Variants in BUB1B observed in about 807,000 individuals in gnomAD.
BUB1B encodes the protein BUB1 mitotic checkpoint serine/threonine kinase B.
A neutral mutation model predicts 137.7 loss-of-function variants in BUB1B; 86 were observed. The observed-to-expected ratio is 0.62, with a 90% CI of 0.52 to 0.75. The LOEUF (loss-of-function observed/expected upper bound fraction) is 0.75, where lower values mean the gene tolerates loss of function less well. Ranked by LOEUF, BUB1B falls within the 30% of genes least tolerant of loss-of-function variation. BUB1B has a pLI of 0.00. For missense variants in BUB1B, 1,130 were observed against 1,236.9 expected, an observed-to-expected ratio of 0.91 and a Z score of 1.30; for synonymous variants, 420 against 417.9, an observed-to-expected ratio of 1.00 and a Z score of -0.06.
At position 40,172,071 on chromosome 15, in the gene BUB1B, TAAGAAATAAATTTCTTACTAAAATA is replaced by T. The variant is rs1490562319; in HGVS notation, c.384+1419_384+1443del. 4.2e-3 allele frequency among the ~76,000 whole-genome samples: 636 copies of T among 151,654 alleles called. 4 individuals carry two copies. The highest frequency in any genetic ancestry group is 0.013 in the African/African-American group (528 of 41,400). On this transcript the variant is annotated intron_variant, in intron 4 of 22. Coordinates refer to ENST00000287598, the MANE Select transcript of BUB1B (RefSeq NM_001211.6). ...GATAAGATTTCTTAATAAAATAAAG[TAAGAAATAAATTTCTTACTAAAATA>T]AAGAAATAAATTTCTTACTAAAATA...
intron 5 of BUB1B, among the ~76,000 whole-genome samples, chr15:40,179,135 T>C (rs1257593020): frequency 6.6e-6 from 1 of 152,142 alleles, no homozygotes; most frequent in Non-Finnish European, 1.5e-5. Context: ...TGGCTTCTTT[T>C]ACTTAGCATA....
chr15:40,206,186 T>C lies in BUB1B; in HGVS notation c.1737T>C (p.Asp579=). 1 of 1,614,158 alleles carries C rather than the reference T, an allele frequency of 6.2e-7. No individual in the cohort carries two copies. The highest frequency in any genetic ancestry group is 8.5e-7 in the Non-Finnish European group (1 of 1,180,016). The change falls in exon 15 of 23, where the codon GAT becomes GAC. Residue 579 remains aspartate, a splice_region_variant and synonymous_variant. Transcript: ENST00000287598. ...ACTTTATATGGTCTTTATTTCAGGA[T>C]GAATTTACAGGAATTGAACCCTTGA... ...SNEDVSPDVC[D]EFTGIEPLSE... is the part of the protein sequence containing the mutation.
intron 22 of BUB1B, among the ~76,000 whole-genome samples, chr15:40,218,814 G>A (rs2037841179): frequency 6.6e-6 from 1 of 152,214 alleles, no homozygotes; most frequent in South Asian, 2.1e-4. Flanking sequence ...CCAGACTACA[G>A]CTATAGTATG....
In BUB1B at chr15:40,210,098, C is replaced by A; in HGVS notation, c.2285-12C>A. The A allele has an allele frequency of 6.3e-7, 1 of 1,583,632 alleles. No homozygotes were observed. Among genetic ancestry groups the A allele is most frequent in the Non-Finnish European group, 8.7e-7 (1 of 1,152,704 alleles). On this transcript the variant is annotated splice_polypyrimidine_tract_variant and intron_variant, in intron 17 of 22. Coordinates refer to ENST00000287598, the MANE Select transcript of BUB1B (RefSeq NM_001211.6). ...ACAGTGATTTTTAAATGGAATCAAACTTTCTCAACAGGTAATGAGGATTAC... is the reference window on the plus strand; with the variant it reads ...ACAGTGATTTTTAAATGGAATCAAAATTTCTCAACAGGTAATGAGGATTAC...
At chr15:40,169,837 T>C (rs962226103) in intron 2 of BUB1B, among the ~76,000 whole-genome samples, 4 of 152,092 alleles carry the variant, frequency 2.6e-5, no homozygotes, top group Non-Finnish European at 4.4e-5. Flanking sequence ...GGTCTCAAAC[T>C]TCTAACCTCA....
intron 11 of BUB1B, 26 bp from the exon 12 acceptor site, chr15:40,200,905 A>G (rs763695472): frequency 1.2e-5 from 20 of 1,610,654 alleles, no homozygotes; most frequent in South Asian, 4.4e-5. Flanking sequence ...TATTGAGCAC[A>G]TGATTTAAAA....
At position 40,200,308 on chromosome 15, in the gene BUB1B, T is replaced by C. The variant is rs2037550187; in HGVS notation, c.1466T>C (p.Ile489Thr). Residue 489 changes from isoleucine to threonine, a missense_variant, in exon 11 of 23, where the codon ATA becomes ACA. Ile to Thr is a moderately conservative substitution (Grantham distance 89). Coordinates refer to ENST00000287598, the MANE Select transcript of BUB1B (RefSeq NM_001211.6). ...CAAATTGCTTCCGAGTCTCAGAAAA[T>C]ACCAGGAATGACTCTATCCAGTTCT... is the stretch of plus-strand genomic sequence containing the variant. ...KLQIASESQK[I>T]PGMTLSSSVC... The C allele has an allele frequency of 1.2e-6, 2 of 1,613,946 alleles. No homozygotes were observed. Among genetic ancestry groups the C allele is most frequent in the South Asian group, 2.2e-5 (2 of 91,076 alleles).
chr15:40,200,981 G>T lies in BUB1B; in HGVS notation c.1567+1G>T. On this transcript the variant is annotated splice_donor_variant, in intron 12 of 22. Coordinates refer to ENST00000287598, the MANE Select transcript of BUB1B (RefSeq NM_001211.6). LOFTEE classifies it high-confidence loss of function. ...TGGCAGGAACAACCTCATTCTAAAG[G>T]TGAGTTGTATTTGACAGCCTTGAGA... 6.2e-7 allele frequency: 1 copy of T among 1,612,878 alleles called. No individual in the cohort carries two copies. Among genetic ancestry groups the T allele is most frequent in the South Asian group, 1.1e-5 (1 of 90,976 alleles).
At chr15:40,202,499 T>C (rs751532837) in intron 13 of BUB1B, 34 bp downstream of exon 13, 1 of 1,599,530 alleles carries the variant, frequency 6.3e-7, no homozygotes, top group Non-Finnish European at 8.6e-7. Flanking sequence ...GGTTTTTTTT[T>C]ACTTAAGAAT....
intron 5 of BUB1B, among the ~76,000 whole-genome samples, chr15:40,182,921 T>G (rs1330595081): frequency 6.6e-6 from 1 of 152,228 alleles, no homozygotes; most frequent in Non-Finnish European, 1.5e-5. Flanking sequence ...CACAGTCTGC[T>G]TGCTTTTGTT....
chr15:40,164,280 G>T (rs369800652), intron 1 of BUB1B, among the ~76,000 whole-genome samples: 7 of 151,068 alleles, frequency 4.6e-5, no homozygotes, highest in East Asian at 2.0e-4. Context: ...CCAGGCTGCA[G>T]TGCAGTGGTG....
At chr15:40,191,444 T>C (rs1455384058) in intron 8 of BUB1B, among the ~76,000 whole-genome samples, 1 of 152,264 alleles carries the variant, frequency 6.6e-6, no homozygotes, top group Non-Finnish European at 1.5e-5. Flanking sequence ...TGATCTCTTT[T>C]GAAGACCAAA....
At position 40,214,138 on chromosome 15, in the gene BUB1B, A is replaced by T. The variant is rs1341572924; in HGVS notation, c.2678+664A>T. Among the ~76,000 whole-genome samples the T allele has an allele frequency of 2.0e-5, 3 of 152,290 alleles. No homozygotes were observed. The East Asian group carries it at 5.8e-4, about 29-fold the overall frequency. On this transcript the variant is annotated intron_variant, in intron 20 of 22. Coordinates refer to ENST00000287598, the MANE Select transcript of BUB1B (RefSeq NM_001211.6). Reference sequence around the variant, plus strand: ...AGGATGCCAGCAAAATCAAGGCACTACTCAGTTTCATAGACCAAAGCTTAA... The same window carrying T: ...AGGATGCCAGCAAAATCAAGGCACTTCTCAGTTTCATAGACCAAAGCTTAA...
At chr15:40,197,420 A>G in intron 9 of BUB1B, among the ~76,000 whole-genome samples, 1 of 152,164 alleles carries the variant, frequency 6.6e-6, no homozygotes. Flanking sequence ...TGGGCTGGAA[A>G]GTAGGGAAGT....
At chr15:40,196,162 A>G (rs530209552) in intron 8 of BUB1B, among the ~76,000 whole-genome samples, 88 of 152,284 alleles carry the variant, frequency 5.8e-4, no homozygotes, top group African/African-American at 2.1e-3. Flanking sequence ...GATTTTTTGT[A>G]TAAGGTGAGA....
chr15:40,217,304 G>A (rs929385034), intron 20 of BUB1B, 192 bp from the exon 21 acceptor site: 2 of 618,630 alleles, frequency 3.2e-6, no homozygotes, highest in South Asian at 1.9e-5. Flanking sequence ...CACCAAAGTG[G>A]TGACATTCCT....
chr15:40,210,037 A>C, intron 17 of BUB1B, 73 bp from the exon 18 acceptor site: 1 of 1,268,736 alleles, frequency 7.9e-7, no homozygotes, highest in South Asian at 1.2e-5. Context: ...CTATCCCTTA[A>C]ACCAGGAGGT....
intron 5 of BUB1B, among the ~76,000 whole-genome samples, chr15:40,179,059 C>T (rs1400062258): frequency 1.3e-5 from 2 of 152,094 alleles, no homozygotes; most frequent in East Asian, 1.9e-4. Flanking sequence ...CTTTTTGTCT[C>T]TATGGATTTG....
At position 40,199,664 on chromosome 15, in the gene BUB1B, T is replaced by G; in HGVS notation, c.1338T>G (p.Ile446Met). 6.2e-7 allele frequency: 1 copy of G among 1,613,998 alleles called. No homozygotes were observed. The highest frequency in any genetic ancestry group is 8.5e-7 in the Non-Finnish European group (1 of 1,179,918). Residue 446 changes from isoleucine (I) to methionine (M), a missense_variant, in exon 10 of 23, where the codon ATT becomes ATG. Ile to Met is a conservative substitution (Grantham distance 10, BLOSUM62 1). Transcript: ENST00000287598. ...AGAGAGCAGAAATGCAGAAACAGAT[T>G]GAAGAGATGGAGAAGAAGCTAAAAG... ...AEKRAEMQKQ[I>M]EEMEKKLKEI...
Sources: gnomAD v4.1 joint callset for allele counts (sites outside exome capture counted in the v4.1 genomes callset) on GRCh38, gnomAD v4.1.1 for gene constraint, MANE v1.5 for transcripts, NCBI Gene and HGNC (gene_info 2026-07-23, HGNC 2026-07-21) for gene names.